Variants in VPS26C observed in about 807,000 individuals in gnomAD.
VPS26C encodes the protein VPS26 endosomal protein sorting factor C.
VPS26C carries 19 observed loss-of-function variants against 30.6 expected under a neutral mutation model. That is an observed-to-expected ratio of 0.62 (90% CI 0.43 to 0.91). VPS26C has a LOEUF of 0.91. Among genes scored for constraint, VPS26C ranks in the 40% least tolerant of loss-of-function variants. VPS26C has a pLI of 0.00. For synonymous variants in VPS26C, 132 were observed against 151.5 expected (o/e 0.87, Z 0.95); for missense variants, 318 against 385.1 (o/e 0.83, Z 1.46).
At chr21:37,225,901 T>C (rs2085894613) in intron 7 of VPS26C, 1 of 497,334 alleles carries the variant, frequency 2.0e-6, no homozygotes, top group African/African-American at 1.9e-5. Context: ...CAACTACACT[T>C]TCCCTGTCCC....
chr21:37,239,566 A>G (rs924356686), intron 2 of VPS26C, among the ~76,000 whole-genome samples: 11 of 152,114 alleles, frequency 7.2e-5, no homozygotes, highest in East Asian at 1.9e-4. Context: ...GGCATGTAAC[A>G]TAAGCCACAG....
intron 5 of VPS26C, chr21:37,228,640 C>T: frequency 2.9e-6 from 1 of 345,264 alleles, no homozygotes; most frequent in Non-Finnish European, 5.4e-6. Flanking sequence ...TGCCTAGTCT[C>T]AGAGCTAGAA....
chr21:37,233,718 G>A lies in VPS26C; in HGVS notation c.352-276C>T, dbSNP rs368180406. 2.6e-5 allele frequency among the ~76,000 whole-genome samples: 4 copies of A among 152,170 alleles called. No homozygotes were observed. Among genetic ancestry groups the A allele is most frequent in the South Asian group, 2.1e-4 (1 of 4,830 alleles). On this transcript the variant is annotated intron_variant, in intron 3 of 7. Transcript: ENST00000309117. The surrounding 1 kb of genome is among the most constrained non-coding windows in gnomAD (Gnocchi z 5.2). ...TGGACCCACTGGCAAACAGGTGCAC[G>A]GTCCCACCTGTAGCAGGGAGCAGGC...
In VPS26C at chr21:37,226,917, C is replaced by T. The variant is rs1475188774; in HGVS notation, c.811+737G>A. ...CTACTTCTTCGTAGTGTGGAGTGAT[C>T]TCCCAATTAACATGATTCTTATTAA... On this transcript the variant is annotated intron_variant, in intron 7 of 7. Transcript: ENST00000309117. The surrounding 1 kb of genome is among the most constrained non-coding windows in gnomAD (Gnocchi z 4.1). 1 of 152,208 alleles carries T rather than the reference C, an allele frequency of 6.6e-6. No homozygotes were observed. Among genetic ancestry groups the T allele is most frequent in the East Asian group, 1.9e-4 (1 of 5,192 alleles). 9.4% of individuals were successfully genotyped at this position (152,208 alleles called of 1,614,324 possible).
rs2086072939 is a variant in VPS26C, at chr21:37,240,400, C to T, written c.201+96G>A. The T allele has an allele frequency of 7.1e-6, 10 of 1,402,502 alleles. No individual in the cohort carries two copies. The South Asian group carries it at 1.2e-4, about 17-fold the overall frequency. The allele number at this position is 1,402,502 out of a possible 1,614,324, so 86.9% of individuals were successfully genotyped here. On this transcript the variant is annotated intron_variant, in intron 2 of 7. Coordinates refer to ENST00000309117, the MANE Select transcript of VPS26C (RefSeq NM_006052.2). Reference sequence around the variant, plus strand: ...TTGGCCTCCCAAATTACTGAGATTACAGGCCTGAGCCACTGCGCCTGGCCC... The same window carrying T: ...TTGGCCTCCCAAATTACTGAGATTATAGGCCTGAGCCACTGCGCCTGGCCC...
At chr21:37,258,605 C>G (rs894952232) in intron 1 of VPS26C, among the ~76,000 whole-genome samples, 9 of 152,100 alleles carry the variant, frequency 5.9e-5, no homozygotes, top group Non-Finnish European at 8.8e-5. Flanking sequence ...GGTTTCGGGC[C>G]TAAGAGAGGG....
intron 1 of VPS26C, among the ~76,000 whole-genome samples, chr21:37,255,984 C>T (rs1466589049): frequency 2.0e-5 from 3 of 151,046 alleles, no homozygotes; most frequent in African/African-American, 7.3e-5. Flanking sequence ...TACAGGTGCC[C>T]GCCACCACAC....
intron 3 of VPS26C, among the ~76,000 whole-genome samples, chr21:37,235,108 G>A (rs552877288): frequency 9.9e-5 from 15 of 152,196 alleles, no homozygotes; most frequent in African/African-American, 3.4e-4. Flanking sequence ...CTGGGTTCAA[G>A]CAATTCTCCT....
At chr21:37,237,717 T>C (rs1218853319) in intron 3 of VPS26C, 2 of 152,318 alleles carry the variant, frequency 1.3e-5, no homozygotes, top group Non-Finnish European at 2.9e-5. Flanking sequence ...GGGGGGCTTT[T>C]ATTTTAAAGG....
intron 1 of VPS26C, among the ~76,000 whole-genome samples, chr21:37,260,290 A>G (rs1375500087): frequency 1.3e-5 from 2 of 152,092 alleles, no homozygotes. Context: ...AGGTGTTTCC[A>G]TGGGAAATTT....
chr21:37,259,511 T>C (rs901525969), intron 1 of VPS26C, among the ~76,000 whole-genome samples: 2 of 152,200 alleles, frequency 1.3e-5, no homozygotes, highest in African/African-American at 4.8e-5. Flanking sequence ...TCTGGATTTA[T>C]AAAAACAAAT....
At chr21:37,254,518 G>A (rs1336021692) in intron 1 of VPS26C, among the ~76,000 whole-genome samples, 2 of 152,004 alleles carry the variant, frequency 1.3e-5, no homozygotes, top group Non-Finnish European at 2.9e-5. Flanking sequence ...AGTAAAGAAA[G>A]AAAGAGCTCA....
At chr21:37,227,354 A>T (rs1394777081) in intron 7 of VPS26C, 1 of 357,220 alleles carries the variant, frequency 2.8e-6, no homozygotes. Flanking sequence ...CACAGAGCTC[A>T]GCGTCACCTG....
intron 3 of VPS26C, among the ~76,000 whole-genome samples, chr21:37,235,033 T>G (rs2086005783): frequency 6.8e-6 from 1 of 147,578 alleles, no homozygotes; most frequent in Non-Finnish European, 1.5e-5. Flanking sequence ...TGAGATGGAG[T>G]TTCACTCTTG....
At chr21:37,260,282 G>C (rs1390035190) in intron 1 of VPS26C, among the ~76,000 whole-genome samples, 4 of 152,108 alleles carry the variant, frequency 2.6e-5, no homozygotes, top group Non-Finnish European at 5.9e-5. Context: ...TATTAGTTAG[G>C]TGTTTCCATG....
At chr21:37,241,611 A>G (rs1442153755) in intron 1 of VPS26C, among the ~76,000 whole-genome samples, 1 of 152,134 alleles carries the variant, frequency 6.6e-6, no homozygotes, top group African/African-American at 2.4e-5. Context: ...TGAGCCTAGG[A>G]GTTTGAGACC....
intron 1 of VPS26C, among the ~76,000 whole-genome samples, chr21:37,259,816 A>C (rs2086286009): frequency 6.6e-6 from 1 of 152,044 alleles, no homozygotes; most frequent in Non-Finnish European, 1.5e-5. Flanking sequence ...TCTGACAAGC[A>C]CTCATTATGC....
At chr21:37,236,835 G>A (rs1215242468) in intron 3 of VPS26C, among the ~76,000 whole-genome samples, 1 of 152,112 alleles carries the variant, frequency 6.6e-6, no homozygotes, top group Non-Finnish European at 1.5e-5. Context: ...CGAGGGTAGG[G>A]GCAATTATTC....
At chr21:37,259,571 A>G (rs2086283053) in intron 1 of VPS26C, among the ~76,000 whole-genome samples, 2 of 152,190 alleles carry the variant, frequency 1.3e-5, no homozygotes, top group Admixed American at 1.3e-4. Context: ...TTTCTAACCA[A>G]TAAGCTCCCC....
Sources: gnomAD v4.1 joint callset for allele counts (sites outside exome capture counted in the v4.1 genomes callset) on GRCh38, gnomAD v4.1.1 for gene constraint, Gnocchi (gnomAD v3.1) non-coding constraint, MANE v1.5 for transcripts, NCBI Gene and HGNC (gene_info 2026-07-23, HGNC 2026-07-21) for gene names.